The following OLFM3 variants were observed in gnomAD, a reference collection of about 807,000 sequenced individuals.
OLFM3 encodes noelin-3.
Under a neutral mutation model 48.6 loss-of-function variants are expected in OLFM3, and 20 were observed. The ratio of observed to expected loss-of-function variants is 0.41; its 90% CI spans 0.29 to 0.60. The LOEUF (loss-of-function observed/expected upper bound fraction) is 0.60. Ranked by LOEUF, OLFM3 falls within the 20% of genes least tolerant of loss-of-function variation. The pLI, the probability that OLFM3 is intolerant of heterozygous loss-of-function variation, is 0.28. For missense variants in OLFM3, 437 were observed against 544.3 expected (o/e 0.80, Z 1.96); for synonymous variants, 222 against 198.1 (o/e 1.12, Z -1.01).
chr1:101,988,016 A>G (rs914534758), intron 1 of OLFM3, among the ~76,000 whole-genome samples: 7 of 152,054 alleles, frequency 4.6e-5, no homozygotes, highest in Non-Finnish European at 1.0e-4. Flanking sequence ...TGGTGGTGCT[A>G]TGTTCTTGGA....
intron 1 of OLFM3, among the ~76,000 whole-genome samples, chr1:101,911,242 T>C (rs1236939135): frequency 6.6e-6 from 1 of 152,038 alleles, no homozygotes; most frequent in East Asian, 1.9e-4. Context: ...AAAAGGACAA[T>C]AGAAAATAGG....
intron 1 of OLFM3, among the ~76,000 whole-genome samples, chr1:101,985,317 C>T (rs1032020208): frequency 6.6e-6 from 1 of 152,180 alleles, no homozygotes; most frequent in African/African-American, 2.4e-5. Context: ...AACATATGCA[C>T]AGGTTTTGCG....
At chr1:101,911,813 T>C (rs1293544809) in intron 1 of OLFM3, among the ~76,000 whole-genome samples, 2 of 152,176 alleles carry the variant, frequency 1.3e-5, no homozygotes, top group African/African-American at 4.8e-5. Context: ...AATACAGGCA[T>C]TTATATGAGT....
intron 1 of OLFM3, among the ~76,000 whole-genome samples, chr1:101,956,157 C>G (rs1055875652): frequency 2.0e-5 from 3 of 147,394 alleles, no homozygotes; most frequent in African/African-American, 5.1e-5. Context: ...CTGTTACCAA[C>G]ATTTTTCTAT....
chr1:101,956,351 A>G (rs1006804969), intron 1 of OLFM3, among the ~76,000 whole-genome samples: 2 of 151,290 alleles, frequency 1.3e-5, no homozygotes, highest in African/African-American at 4.9e-5. Context: ...ATTCATTCCC[A>G]CCCGTCATCA....
At chr1:101,973,811 C>A (rs1394461958) in intron 1 of OLFM3, among the ~76,000 whole-genome samples, 1 of 152,136 alleles carries the variant, frequency 6.6e-6, no homozygotes, top group Non-Finnish European at 1.5e-5. Context: ...GATGAGGTCA[C>A]AGACTGAAGG....
At chr1:101,873,894 T>A (rs1657188637) in intron 1 of OLFM3, among the ~76,000 whole-genome samples, 1 of 151,982 alleles carries the variant, frequency 6.6e-6, no homozygotes, top group South Asian at 2.1e-4. Flanking sequence ...TGACTTTTAT[T>A]GTTATTCTCC....
At chr1:101,904,353 C>T (rs547102659) in intron 1 of OLFM3, among the ~76,000 whole-genome samples, 2 of 152,022 alleles carry the variant, frequency 1.3e-5, no homozygotes, top group Non-Finnish European at 2.9e-5. Context: ...ATTTTAGGAA[C>T]GAGTCAGAAG....
intron 3 of OLFM3, among the ~76,000 whole-genome samples, chr1:101,827,106 C>G (rs1654897535): frequency 6.6e-6 from 1 of 152,170 alleles, no homozygotes; most frequent in Admixed American, 6.5e-5. Flanking sequence ...ATAGCATAGA[C>G]CTGTGTTTGC....
intron 1 of OLFM3, among the ~76,000 whole-genome samples, chr1:101,940,431 A>T (rs1557738638): frequency 1.4e-5 from 2 of 146,636 alleles, no homozygotes; most frequent in South Asian, 4.3e-4. Flanking sequence ...TTGATTTTTT[A>T]AAATTTTTAT....
intron 1 of OLFM3, among the ~76,000 whole-genome samples, chr1:101,975,059 G>A (rs1225105982): frequency 6.6e-6 from 1 of 152,160 alleles, no homozygotes; most frequent in Non-Finnish European, 1.5e-5. Flanking sequence ...TTCATGGTCT[G>A]TGGAGGCATG....
At chr1:101,915,618 C>G (rs1658900561) in intron 1 of OLFM3, among the ~76,000 whole-genome samples, 1 of 152,046 alleles carries the variant, frequency 6.6e-6, no homozygotes, top group Non-Finnish European at 1.5e-5. Flanking sequence ...GGCAAATATT[C>G]AAAACACGAA....
At chr1:101,924,248 T>C (rs1301642638) in intron 1 of OLFM3, among the ~76,000 whole-genome samples, 1 of 152,160 alleles carries the variant, frequency 6.6e-6, no homozygotes, top group African/African-American at 2.4e-5. Flanking sequence ...GGATACAGAG[T>C]GCCACTGTGG....
rs184882980 is a variant in OLFM3 at position 101,914,598 on chromosome 1, A to C, written c.70-77573T>G. The stretch of plus-strand genomic sequence containing the variant: ...GAGTGATATTGCTGTGACCTGTGCC[A>C]ACATAGATGTTACTTCTAATAGTGC... On this transcript the variant is annotated intron_variant, in intron 1 of 5. Coordinates refer to ENST00000370103, the MANE Select transcript of OLFM3 (RefSeq NM_058170.4). Among the ~76,000 whole-genome samples the C allele has an allele frequency of 2.8e-3, 425 of 152,322 alleles. 2 individuals carry two copies. The highest frequency in any genetic ancestry group is 9.6e-3 in the African/African-American group (397 of 41,570).
intron 1 of OLFM3, among the ~76,000 whole-genome samples, chr1:101,961,717 C>T (rs997361636): frequency 3.9e-5 from 6 of 152,076 alleles, no homozygotes; most frequent in Middle Eastern, 3.4e-3. Flanking sequence ...CAGAATAGGT[C>T]GCAAGATAAC....
intron 4 of OLFM3, chr1:101,812,546 T>C (rs1654118334): frequency 1.0e-6 from 1 of 985,404 alleles, no homozygotes; most frequent in Non-Finnish European, 1.2e-6. Context: ...ACAAGAACTG[T>C]CCTTGGAGCT....
chr1:101,961,339 A>G (rs1326362741), intron 1 of OLFM3, among the ~76,000 whole-genome samples: 2 of 152,206 alleles, frequency 1.3e-5, no homozygotes, highest in Admixed American at 6.5e-5. Flanking sequence ...TGTAAATTAT[A>G]GTAACATATT....
intron 1 of OLFM3, among the ~76,000 whole-genome samples, chr1:101,923,738 T>C (rs1256169465): frequency 1.3e-5 from 2 of 152,176 alleles, no homozygotes; most frequent in Non-Finnish European, 2.9e-5. Flanking sequence ...TTTCTTCAAT[T>C]TTCTAATTCA....
chr1:101,823,034 A>G (rs957294396), intron 4 of OLFM3, among the ~76,000 whole-genome samples: 3 of 152,020 alleles, frequency 2.0e-5, no homozygotes, highest in Non-Finnish European at 4.4e-5. Flanking sequence ...TGAAATAGGT[A>G]ATATGGTTGA....
Sources: allele counts gnomAD v4.1 joint callset (sites outside exome capture counted in the v4.1 genomes callset), GRCh38; gene constraint gnomAD v4.1.1; transcripts MANE v1.5; gene names NCBI Gene and HGNC (gene_info 2026-07-23, HGNC 2026-07-21).